CLEC2D: variants seen among roughly 807,000 people sequenced by gnomAD.
CLEC2D encodes C-type lectin related f.
Under a neutral mutation model 20.0 loss-of-function variants are expected in CLEC2D, and 16 were observed. The observed-to-expected ratio is 0.80, with a 90% confidence interval of 0.54 to 1.22. The LOEUF (loss-of-function observed/expected upper bound fraction) is 1.22. Among genes scored for constraint, CLEC2D ranks in the 50% most tolerant of loss-of-function variants. CLEC2D has a pLI of 0.00. For missense variants in CLEC2D, 207 were observed against 221.5 expected, an observed-to-expected ratio of 0.93 and a Z score of 0.42; for synonymous variants, 77 against 71.1, an observed-to-expected ratio of 1.08 and a Z score of -0.42.
intron 1 of CLEC2D, among the ~76,000 whole-genome samples, chr12:9,677,707 C>CTTTTTTTTTTTTTTTTTTTTTT (rs36120151): frequency 9.0e-5 from 11 of 122,400 alleles, no homozygotes; most frequent in Non-Finnish European, 1.4e-4. Flanking sequence ...TTCTTTCTTT[C>CTTTTTTTTTTTTTTTTTTTTTT]TTTTTTTTTT....
chr12:9,696,366 A>G lies in CLEC2D; in HGVS notation c.*1492A>G, dbSNP rs994203517. 28 of 510,130 alleles carry G rather than the reference A, an allele frequency of 5.5e-5. No homozygotes were observed. Among genetic ancestry groups the G allele is most frequent in the South Asian group, 3.2e-4 (16 of 49,476 alleles). The allele number at this position is 510,130 out of a possible 1,614,324, so 31.6% of individuals were successfully genotyped here. A position where few individuals can be genotyped will look rare whatever the true frequency, so the allele number is the denominator to read the frequency against. On this transcript the variant is annotated 3_prime_UTR_variant, in exon 5 of 5. Transcript: ENST00000290855. ...GTTTGATAAATGTTGTCCAGGTTCT[A>G]TTGCCAAGAATGTGTTGTCCAAAAT... is the stretch of plus-strand genomic sequence containing the variant.
In CLEC2D at chr12:9,695,992, C is replaced by T. The variant is rs1025355890; in HGVS notation, c.*1118C>T. On this transcript the variant is annotated 3_prime_UTR_variant, in exon 5 of 5. Coordinates refer to ENST00000290855, the MANE Select transcript of CLEC2D (RefSeq NM_013269.6). Reference sequence around the variant, plus strand: ...AAATCAGAATGGAAAAGACTCAAAACCATCATCAACACCAAGATCAAAAGG... The same window carrying T: ...AAATCAGAATGGAAAAGACTCAAAATCATCATCAACACCAAGATCAAAAGG... 2 of 1,547,786 alleles carry T rather than the reference C, an allele frequency of 1.3e-6. No individual in the cohort carries two copies. The highest frequency in any genetic ancestry group is 2.7e-5 in the African/African-American group (2 of 73,098).
In CLEC2D at chr12:9,694,723, G is replaced by A. The variant is rs752155351; in HGVS notation, c.462-37G>A. 1.9e-5 allele frequency: 21 copies of A among 1,081,058 alleles called. 1 individual carries two copies. In the Middle Eastern group the frequency reaches 6.0e-4, roughly 31 times the overall value. 67.0% of individuals were successfully genotyped at this position (1,081,058 alleles called of 1,614,324 possible). ...TCATTCTCTCTGCTGTTGAAGAAATGTTCAGTGGCCAACTGATTCTGCTTC... is the reference window on the plus strand; with the variant it reads ...TCATTCTCTCTGCTGTTGAAGAAATATTCAGTGGCCAACTGATTCTGCTTC... On this transcript the variant is annotated intron_variant, in intron 4 of 4. Coordinates refer to ENST00000290855, the MANE Select transcript of CLEC2D (RefSeq NM_013269.6).
At chr12:9,691,070 A>G (rs1377681668) in intron 3 of CLEC2D, among the ~76,000 whole-genome samples, 1 of 152,132 alleles carries the variant, frequency 6.6e-6, no homozygotes, top group Non-Finnish European at 1.5e-5. Flanking sequence ...AAGTAAAAGG[A>G]CTGAAAAAGA....
In CLEC2D at chr12:9,694,985, C is replaced by T. The variant is rs982756157; in HGVS notation, c.*111C>T. ...ATACCAACAGGTATATGAAAATATG[C>T]TCAATATCACTAATAACTGGGAAAA... On this transcript the variant is annotated 3_prime_UTR_variant, in exon 5 of 5. Transcript: ENST00000290855. The T allele has an allele frequency of 1.7e-5, 11 of 633,798 alleles. No homozygotes were observed. In the East Asian group the frequency reaches 3.0e-4, roughly 17 times the overall value. The allele number at this position is 633,798 out of a possible 1,614,324, so 39.3% of individuals were successfully genotyped here.
chr12:9,675,209 T>A (rs1412908797), intron 1 of CLEC2D, among the ~76,000 whole-genome samples: 1 of 120,862 alleles, frequency 8.3e-6, no homozygotes, highest in East Asian at 2.8e-4. Context: ...TTTTTTTTTT[T>A]AAGAGACGGA....
At chr12:9,687,113 C>T (rs773463082) in intron 2 of CLEC2D, among the ~76,000 whole-genome samples, 3 of 151,978 alleles carry the variant, frequency 2.0e-5, no homozygotes, top group Admixed American at 6.6e-5. Context: ...TTTTATTGTG[C>T]CCTTTATTTC....
At chr12:9,682,872 G>C (rs994507807) in intron 2 of CLEC2D, among the ~76,000 whole-genome samples, 4 of 152,082 alleles carry the variant, frequency 2.6e-5, no homozygotes, top group African/African-American at 9.7e-5. Context: ...ATAATCCTTT[G>C]GGTATAGACC....
At chr12:9,679,130 AATAT>A (rs1865582548) in intron 1 of CLEC2D, among the ~76,000 whole-genome samples, 1 of 152,140 alleles carries the variant, frequency 6.6e-6, no homozygotes, top group Non-Finnish European at 1.5e-5. Flanking sequence ...TAAGCATATA[AATAT>A]ATATAAAAGA....
chr12:9,685,987 C>T (rs1591698197), intron 2 of CLEC2D, among the ~76,000 whole-genome samples: 1 of 152,212 alleles, frequency 6.6e-6, no homozygotes, highest in East Asian at 1.9e-4. Context: ...GTAGTGTTGG[C>T]ACTCCAGAGA....
intron 3 of CLEC2D, 36 bp downstream of exon 3, chr12:9,688,122 G>C: frequency 2.0e-6 from 3 of 1,501,862 alleles, no homozygotes; most frequent in Non-Finnish European, 1.8e-6. Flanking sequence ...CAAAGATTCA[G>C]CCCTACAAGG....
At chr12:9,692,063 GTACACT>G (rs1315467396) in intron 3 of CLEC2D, among the ~76,000 whole-genome samples, 12 of 152,258 alleles carry the variant, frequency 7.9e-5, no homozygotes, top group African/African-American at 2.6e-4. Context: ...GGATAATTTG[GTACACT>G]TACATTAGTT....
In CLEC2D at chr12:9,695,865, T is replaced by TGAA; in HGVS notation, c.*993_*994insAGA. The stretch of plus-strand genomic sequence containing the variant: ...AACTTGCTGCTGCTGCTGATGATGA[T>TGAA]GATGATGAAGATGATGATGATGATG... On this transcript the variant is annotated 3_prime_UTR_variant, in exon 5 of 5. Transcript: ENST00000290855. 3.8e-6 allele frequency: 4 copies of TGAA among 1,066,312 alleles called. No individual in the cohort carries two copies. The East Asian group carries it at 9.4e-5, about 25-fold the overall frequency. 66.1% of individuals were successfully genotyped at this position (1,066,312 alleles called of 1,614,324 possible).
intron 2 of CLEC2D, among the ~76,000 whole-genome samples, chr12:9,681,540 GTGA>G (rs1865635616): frequency 6.6e-6 from 1 of 152,112 alleles, no homozygotes; most frequent in African/African-American, 2.4e-5. Flanking sequence ...ACTCCGTTTA[GTGA>G]TTGTACCCTA....
rs192631166 is a variant in CLEC2D, at chr12:9,692,103, T to C, written c.358-725T>C. On this transcript the variant is annotated intron_variant, in intron 3 of 4. Transcript: ENST00000290855. ...TTTGGTGTCTTTTCTTTCTCTTTCT[T>C]TCTTTCTTTCTTTCTCTTTCTTTCG... 1.8e-3 allele frequency among the ~76,000 whole-genome samples: 273 copies of C among 151,760 alleles called. 2 individuals carry two copies. Among genetic ancestry groups the C allele is most frequent in the African/African-American group, 6.1e-3 (252 of 41,376 alleles).
chr12:9,696,314 G>C lies in CLEC2D; in HGVS notation c.*1440G>C. On this transcript the variant is annotated 3_prime_UTR_variant, in exon 5 of 5. Transcript: ENST00000290855. ...TTGATATCTGGCTGTCCTTTTTATA[G>C]TGCAGAGTGAGAACTTTCCCTACCA... 3.2e-6 allele frequency: 2 copies of C among 633,366 alleles called. No individual in the cohort carries two copies. The highest frequency in any genetic ancestry group is 3.1e-5 in the South Asian group (2 of 63,954). The allele number at this position is 633,366 out of a possible 1,614,324, so 39.2% of individuals were successfully genotyped here.
chr12:9,688,038 T>C lies in CLEC2D; in HGVS notation c.309T>C (p.Cys103=), dbSNP rs1230558721. 3 of 1,612,834 alleles carry C rather than the reference T, an allele frequency of 1.9e-6. No individual in the cohort carries two copies. Among genetic ancestry groups the C allele is most frequent in the Non-Finnish European group, 2.5e-6 (3 of 1,179,490 alleles). The change falls in exon 3 of 5, where the codon TGT becomes TGC. Residue 103 remains cysteine, a synonymous_variant. Transcript: ENST00000290855. ...ACTGGACATCAAGTCAGAGGTTTTG[T>C]GACTCACAAGATGCTGATCTTGCTC... is the stretch of plus-strand genomic sequence containing the variant. ...TKNWTSSQRF[C]DSQDADLAQV...
intron 2 of CLEC2D, among the ~76,000 whole-genome samples, chr12:9,684,262 A>C (rs896662950): frequency 1.3e-5 from 2 of 152,206 alleles, no homozygotes; most frequent in Non-Finnish European, 2.9e-5. Flanking sequence ...TTATCAGCTT[A>C]ATAAGTTTTA....
intron 2 of CLEC2D, among the ~76,000 whole-genome samples, chr12:9,686,868 AGTTCACT>A (rs1865759438): frequency 6.6e-6 from 1 of 152,212 alleles, no homozygotes; most frequent in Non-Finnish European, 1.5e-5. Context: ...AGTGGAAGGA[AGTTCACT>A]GTACAACAAC....
Sources: gnomAD v4.1 joint callset for allele counts (sites outside exome capture counted in the v4.1 genomes callset) on GRCh38, gnomAD v4.1.1 for gene constraint, MANE v1.5 for transcripts, NCBI Gene and HGNC (gene_info 2026-07-23, HGNC 2026-07-21) for gene names.